VIRMA: variants seen among roughly 807,000 people sequenced by gnomAD.
The protein encoded by VIRMA is protein virilizer homolog.
A neutral mutation model predicts 182.4 loss-of-function variants in VIRMA; 65 were observed. The observed-to-expected ratio is 0.36, with a 90% CI of 0.29 to 0.44. The LOEUF is 0.44. Ranked by LOEUF, VIRMA falls within the 20% of genes least tolerant of loss-of-function variation. The pLI, the probability that VIRMA is intolerant of heterozygous loss-of-function variation, is 1.00. For missense variants in VIRMA, 1,752 were observed against 2,158.1 expected (o/e 0.81, Z 3.73); for synonymous variants, 709 against 743.1 (o/e 0.95, Z 0.75).
intron 11 of VIRMA, among the ~76,000 whole-genome samples, chr8:94,513,410 T>C (rs1171120707): frequency 2.1e-5 from 3 of 141,678 alleles, no homozygotes; most frequent in South Asian, 2.3e-4. Context: ...TCTTAGCTCA[T>C]AGTAGAGTCT....
At chr8:94,550,454 G>A (rs1028367176) in intron 1 of VIRMA, among the ~76,000 whole-genome samples, 42 of 151,834 alleles carry the variant, frequency 2.8e-4, no homozygotes, top group East Asian at 1.2e-3. Context: ...CACCACGCTC[G>A]GCTATTTGTT....
Position 94,527,417 on chromosome 8 carries a change from T to TA in VIRMA, c.881-55dup, listed in dbSNP as rs2037392759. ...TATTACATCATCTTTGTCTAATACA[T>TA]AAATTCTGATTGAACAAGAAATAGT... On this transcript the variant is annotated intron_variant, in intron 7 of 23. Transcript: ENST00000297591. The TA allele has an allele frequency of 1.5e-5, 16 of 1,071,160 alleles. No homozygotes were observed. The Middle Eastern group carries it at 8.7e-4, about 58-fold the overall frequency. 66.4% of individuals were successfully genotyped at this position (1,071,160 alleles called of 1,614,324 possible). A position where few individuals can be genotyped will look rare whatever the true frequency, so the allele number is the denominator to read the frequency against.
intron 17 of VIRMA, chr8:94,496,759 C>T (rs186047731): frequency 1.4e-5 from 4 of 285,042 alleles, no homozygotes; most frequent in African/African-American, 4.4e-5. Flanking sequence ...AGTTGTAGGA[C>T]GTGACACACT....
chr8:94,538,517 T>G (rs374747527), intron 2 of VIRMA, among the ~76,000 whole-genome samples, 171 bp from the exon 3 acceptor site: 49 of 152,342 alleles, frequency 3.2e-4, no homozygotes, highest in African/African-American at 1.1e-3. Flanking sequence ...GTAATTTTAT[T>G]CACATCCAAT....
chr8:94,509,301 T>G (rs1185366985), intron 15 of VIRMA, among the ~76,000 whole-genome samples: 1 of 151,656 alleles, frequency 6.6e-6, no homozygotes, highest in Non-Finnish European at 1.5e-5. Context: ...CTCAGGAGGC[T>G]GAGGCAGGAG....
rs980907638 is a variant in VIRMA at position 94,510,634 on chromosome 8, T to C, written c.3409A>G (p.Ile1137Val). 3 of 1,613,454 alleles carry C rather than the reference T, an allele frequency of 1.9e-6. No individual in the cohort carries two copies. Among genetic ancestry groups the C allele is most frequent in the South Asian group, 1.1e-5 (1 of 91,060 alleles). ...QTTQVIEPHD[I>V]SVALNTRKLW... ...TTTCGGGTGTTGAGTGCCACTGATATATCATGTGGCTCAATAACCTGTTAA... is the reference window on the plus strand; with the variant it reads ...TTTCGGGTGTTGAGTGCCACTGATACATCATGTGGCTCAATAACCTGTTAA... The change falls in exon 14 of 24, where the codon ATA becomes GTA. Residue 1137 changes from isoleucine to valine, a missense_variant. Ile to Val is a conservative substitution (Grantham distance 29). Coordinates refer to ENST00000297591, the MANE Select transcript of VIRMA (RefSeq NM_015496.5).
chr8:94,531,961 C>T (rs906900094), intron 5 of VIRMA, among the ~76,000 whole-genome samples: 29 of 152,100 alleles, frequency 1.9e-4, no homozygotes, highest in Non-Finnish European at 1.2e-4. Context: ...ATTGATGTAA[C>T]GTGTAAAATA....
chr8:94,540,709 G>A (rs1031053082), intron 2 of VIRMA, among the ~76,000 whole-genome samples: 30 of 151,896 alleles, frequency 2.0e-4, no homozygotes, highest in Admixed American at 1.3e-4. Context: ...TGATCCACCC[G>A]CCTCAGCCTC....
intron 1 of VIRMA, among the ~76,000 whole-genome samples, chr8:94,544,329 G>A (rs1335561527): frequency 6.6e-6 from 1 of 152,006 alleles, no homozygotes; most frequent in Non-Finnish European, 1.5e-5. Flanking sequence ...GCAGCACCCT[G>A]TAATCAAAAC....
At chr8:94,543,794 C>T (rs781240707) in intron 2 of VIRMA, 33 bp downstream of exon 2, 2 of 1,218,850 alleles carry the variant, frequency 1.6e-6, no homozygotes, top group Non-Finnish European at 2.4e-6. Context: ...AATCTTTAAC[C>T]AAAAAATACT....
At chr8:94,532,354 G>T (rs1037959855) in intron 5 of VIRMA, among the ~76,000 whole-genome samples, 14 of 152,144 alleles carry the variant, frequency 9.2e-5, no homozygotes, top group Middle Eastern at 3.2e-3. Context: ...TGATCTGCCC[G>T]CCTCGGCCTC....
intron 8 of VIRMA, 35 bp downstream of exon 8, chr8:94,526,188 T>C (rs1814956061): frequency 1.3e-6 from 2 of 1,485,956 alleles, no homozygotes; most frequent in Admixed American, 2.2e-5. Context: ...CAATGATTTG[T>C]GAAATTTATT....
At chr8:94,518,694 C>T (rs1814645430) in intron 9 of VIRMA, among the ~76,000 whole-genome samples, 1 of 152,196 alleles carries the variant, frequency 6.6e-6, no homozygotes, top group South Asian at 2.1e-4. Flanking sequence ...GTACGTATTC[C>T]TGTGCCTTAG....
chr8:94,515,091 T>C, intron 10 of VIRMA, 140 bp from the exon 11 acceptor site: 1 of 435,652 alleles, frequency 2.3e-6, no homozygotes, highest in Non-Finnish European at 4.0e-6. Context: ...TGGACATGCA[T>C]CTAATTCTTT....
intron 5 of VIRMA, among the ~76,000 whole-genome samples, chr8:94,531,952 T>C (rs948358119): frequency 6.6e-6 from 1 of 152,190 alleles, no homozygotes; most frequent in African/African-American, 2.4e-5. Context: ...CATGATTCCA[T>C]TGATGTAACG....
At chr8:94,536,839 C>T (rs1194835645) in intron 4 of VIRMA, among the ~76,000 whole-genome samples, 17 of 152,132 alleles carry the variant, frequency 1.1e-4, no homozygotes, top group Admixed American at 1.1e-3. Flanking sequence ...ATTAGCCGGG[C>T]ATGGTGGCAG....
chr8:94,535,469 G>A (rs76320823), intron 4 of VIRMA, among the ~76,000 whole-genome samples: 2,565 of 152,186 alleles, frequency 0.017, 26 homozygotes, highest in Non-Finnish European at 0.023. Context: ...TATATTTTAC[G>A]TACCCACATT....
At position 94,553,468 on chromosome 8, in the gene VIRMA, A is replaced by G. The variant is rs773470558; in HGVS notation, c.-21T>C. 3.0e-5 allele frequency: 49 copies of G among 1,612,676 alleles called. No individual in the cohort carries two copies. The highest frequency in any genetic ancestry group is 3.7e-5 in the Non-Finnish European group (44 of 1,178,874). The stretch of plus-strand genomic sequence containing the variant: ...GCCATGTTTGCCGCGGGCGGGGAAC[A>G]GGGGGGAGGACTTCCGGGGCAGCGC... On this transcript the variant is annotated 5_prime_UTR_variant, in exon 1 of 24. Transcript: ENST00000297591.
At chr8:94,511,905 AATG>A (rs1814393083) in intron 12 of VIRMA, 88 bp downstream of exon 12, 4 of 716,170 alleles carry the variant, frequency 5.6e-6, no homozygotes, top group African/African-American at 3.8e-5. Context: ...TTATTAAATA[AATG>A]ATGTTTAATA....
Sources: gnomAD v4.1 joint callset for allele counts (sites outside exome capture counted in the v4.1 genomes callset) on GRCh38, gnomAD v4.1.1 for gene constraint, MANE v1.5 for transcripts, NCBI Gene and HGNC (gene_info 2026-07-23, HGNC 2026-07-21) for gene names.